RASL10B: variants seen among roughly 807,000 people sequenced by gnomAD.
RASL10B encodes the protein RAS like family 10 member B, also known as ras-like protein family member 10B.
RASL10B carries 10 observed loss-of-function variants against 20.7 expected under a neutral mutation model. The ratio of observed to expected loss-of-function variants is 0.48; its 90% CI spans 0.30 to 0.82. The LOEUF (loss-of-function observed/expected upper bound fraction) is 0.82. Ranked by LOEUF, RASL10B falls within the 40% of genes least tolerant of loss-of-function variation. The probability of loss-of-function intolerance (pLI) is 0.07; values close to 1 mark genes in which losing one functional copy is unlikely to be tolerated. For synonymous variants in RASL10B, 110 were observed against 123.3 expected (o/e 0.89, Z 0.72); for missense variants, 231 against 295.4 (o/e 0.78, Z 1.60).
rs2085631500 is a variant in RASL10B at position 35,741,868 on chromosome 17, G to GCACCAC, written c.*563_*564insCACCAC. On this transcript the variant is annotated 3_prime_UTR_variant, in exon 4 of 4. Transcript: ENST00000603017. ...GTCAGCACCACCGGCACAGGGCAGA[G>GCACCAC]ATGCGGGTGGCCCAAGGACCACGAT... 1 of 152,816 alleles carries GCACCAC rather than the reference G, an allele frequency of 6.5e-6. No homozygotes were observed. The highest frequency in any genetic ancestry group is 1.5e-5 in the Non-Finnish European group (1 of 68,276). The allele number at this position is 152,816 out of a possible 1,614,324, so 9.5% of individuals were successfully genotyped here.
chr17:35,741,344 G>A lies in RASL10B; in HGVS notation c.*39G>A, dbSNP rs1598391056. The A allele has an allele frequency of 2.1e-6, 3 of 1,401,440 alleles. No homozygotes were observed. The highest frequency in any genetic ancestry group is 2.9e-5 in the East Asian group (1 of 34,898). 86.8% of individuals were successfully genotyped at this position (1,401,440 alleles called of 1,614,324 possible). On this transcript the variant is annotated 3_prime_UTR_variant, in exon 4 of 4. Transcript: ENST00000603017. ...CTCGGGCTGCACCGGCACTGGCCGA[G>A]CGGAGGGCGGGGCCGTACTGCGGGG...
chr17:35,736,592 G>T (rs2085593422), intron 2 of RASL10B, among the ~76,000 whole-genome samples: 1 of 152,302 alleles, frequency 6.6e-6, no homozygotes, highest in African/African-American at 2.4e-5. Flanking sequence ...GGGCCTTCTA[G>T]TTCTCTTCTA....
Position 35,741,155 on chromosome 17 carries a change from C to T in RASL10B, c.462C>T (p.Gly154=), listed in dbSNP as rs760841850. ...TGGTACGCAAGACCTGGAAGTGCGG[C>T]TACGTGGAATGCTCGGCCAAGTACA... ...SHLVRKTWKC[G]YVECSAKYNW... Residue 154 remains glycine (G), a synonymous_variant, in exon 4 of 4, where the codon GGC becomes GGT. Transcript: ENST00000603017. The T allele has an allele frequency of 6.2e-7, 1 of 1,613,488 alleles. No individual in the cohort carries two copies. The highest frequency in any genetic ancestry group is 8.5e-7 in the Non-Finnish European group (1 of 1,180,032).
At chr17:35,733,114 G>T (rs1797506556) in intron 1 of RASL10B, among the ~76,000 whole-genome samples, 1 of 152,152 alleles carries the variant, frequency 6.6e-6, no homozygotes, top group South Asian at 2.1e-4. Flanking sequence ...TTTTTGGGGG[G>T]TTTGTTTGTT....
chr17:35,737,336 A>G (rs911865237), intron 2 of RASL10B, among the ~76,000 whole-genome samples: 5 of 152,034 alleles, frequency 3.3e-5, no homozygotes, highest in Admixed American at 2.6e-4. Flanking sequence ...ACTTGCTATT[A>G]TAACCTGAAG....
chr17:35,740,489 C>A lies in RASL10B; in HGVS notation c.297C>A (p.Ser99Arg), dbSNP rs782223157. 6.2e-7 allele frequency: 1 copy of A among 1,613,934 alleles called. No homozygotes were observed. The highest frequency in any genetic ancestry group is 8.5e-7 in the Non-Finnish European group (1 of 1,180,012). ...ILVYDICCFD[S>R]FEYVKTIRQQ... ...TCTACGACATCTGCTGCTTTGACAG[C>A]TTTGAGTACGTCAAGACCATCCGCC... Residue 99 changes from serine (S) to arginine (R), a missense_variant, in exon 3 of 4, where the codon AGC becomes AGA. Ser to Arg is a moderately radical substitution (Grantham distance 110). Transcript: ENST00000603017.
chr17:35,740,251 T>A (rs782691562), intron 2 of RASL10B, among the ~76,000 whole-genome samples, 158 bp from the exon 3 acceptor site: 7 of 152,174 alleles, frequency 4.6e-5, no homozygotes, highest in Non-Finnish European at 1.0e-4. Flanking sequence ...CTACAGCTCC[T>A]CCATTCTCCC....
At chr17:35,734,306 C>T (rs587644047) in intron 1 of RASL10B, among the ~76,000 whole-genome samples, 1 of 152,320 alleles carries the variant, frequency 6.6e-6, no homozygotes, top group East Asian at 1.9e-4. Flanking sequence ...AAAGGAGTAG[C>T]TGCCCTTCGG....
intron 1 of RASL10B, among the ~76,000 whole-genome samples, chr17:35,732,108 G>T (rs1555596467): frequency 1.3e-5 from 2 of 151,870 alleles, no homozygotes; most frequent in South Asian, 4.1e-4. Context: ...AGCGAGCTGG[G>T]CTTCTACATC....
In RASL10B at chr17:35,741,234, C is replaced by T. The variant is rs893506461; in HGVS notation, c.541C>T (p.Arg181Cys). 6.2e-7 allele frequency: 1 copy of T among 1,606,102 alleles called. No individual in the cohort carries two copies. The highest frequency in any genetic ancestry group is 1.7e-5 in the Admixed American group (1 of 59,402). The change falls in exon 4 of 4, where the codon CGT becomes TGT. Residue 181 changes from arginine to cysteine, a missense_variant. Physicochemically the swap from Arg to Cys is radical, Grantham distance 180. Coordinates refer to ENST00000603017, the MANE Select transcript of RASL10B (RefSeq NM_033315.4). ...GCTGCTCAAGAGCGTCGGCTGCGCC[C>T]GTTGCAAGCACGTGCACGCTGCCCT... ...SELLKSVGCA[R>C]CKHVHAALRF...
In RASL10B at chr17:35,740,426, C is replaced by G. The variant is rs781862919; in HGVS notation, c.234C>G (p.Cys78Trp). Residue 78 changes from cysteine to tryptophan, a missense_variant, in exon 3 of 4, where the codon TGC (cysteine) becomes TGG (tryptophan). By Grantham distance (215) the Cys-to-Trp change is radical. Transcript: ENST00000603017. The part of the protein sequence containing the change: ...VNTLQEWADT[C>W]CRGLRSVHAY... ...TATTGCAGGAGTGGGCAGACACCTG[C>G]TGCAGGGGACTCCGGAGTGTCCACG... 5 of 1,613,844 alleles carry G rather than the reference C, an allele frequency of 3.1e-6. No individual in the cohort carries two copies. The Admixed American group carries it at 8.3e-5, about 27-fold the overall frequency.
rs2085586326 is a variant in RASL10B, at chr17:35,735,525, A to G, written c.216+125A>G. The G allele has an allele frequency of 1.1e-6, 1 of 878,588 alleles. No individual in the cohort carries two copies. The highest frequency in any genetic ancestry group is 1.8e-6 in the Non-Finnish European group (1 of 565,836). 54.4% of individuals were successfully genotyped at this position (878,588 alleles called of 1,614,324 possible). On this transcript the variant is annotated intron_variant, in intron 2 of 3. Transcript: ENST00000603017. The surrounding 1 kb of genome is among the most constrained non-coding windows in gnomAD (Gnocchi z 6.7). ...CCATCACTGAGTTTGGGAGCTCCAC[A>G]CTGCACCTTGGGCCACTCTGCTTAG... is the stretch of plus-strand genomic sequence containing the variant.
intron 1 of RASL10B, among the ~76,000 whole-genome samples, chr17:35,734,295 G>C (rs1383021176): frequency 6.6e-6 from 1 of 152,208 alleles, no homozygotes; most frequent in African/African-American, 2.4e-5. Flanking sequence ...CGACATCGTA[G>C]AAAGGAGTAG....
At position 35,735,358 on chromosome 17, in the gene RASL10B, C is replaced by T. The variant is rs886858325; in HGVS notation, c.174C>T (p.Leu58=). ...MNGHVHDLQI[L]DFPPISAFPV... The stretch of plus-strand genomic sequence containing the variant: ...GCCACGTGCACGACCTCCAGATCCT[C>T]GACTTTCCACCCATCAGCGCCTTCC... Residue 58 remains leucine (L), a synonymous_variant, in exon 2 of 4, where the codon CTC becomes CTT. Transcript: ENST00000603017. This position sits in a 1 kb window ranked among gnomAD's most constrained non-coding sequence, Gnocchi z 6.7. 1.9e-6 allele frequency: 3 copies of T among 1,614,192 alleles called. No homozygotes were observed. Among genetic ancestry groups the T allele is most frequent in the Non-Finnish European group, 1.7e-6 (2 of 1,180,048 alleles).
intron 1 of RASL10B, among the ~76,000 whole-genome samples, chr17:35,734,766 C>T (rs964593278): frequency 3.9e-5 from 6 of 152,138 alleles, no homozygotes; most frequent in Non-Finnish European, 8.8e-5. Flanking sequence ...AAGTCCAGTG[C>T]GCTTCCCACT....
chr17:35,742,945 C>A lies in RASL10B; in HGVS notation c.*1640C>A, dbSNP rs905841968. The A allele has an allele frequency of 1.3e-5, 2 of 152,478 alleles. No individual in the cohort carries two copies. The highest frequency in any genetic ancestry group is 6.5e-5 in the Admixed American group (1 of 15,290). The allele number at this position is 152,478 out of a possible 1,614,324, so 9.4% of individuals were successfully genotyped here. On this transcript the variant is annotated 3_prime_UTR_variant, in exon 4 of 4. Coordinates refer to ENST00000603017, the MANE Select transcript of RASL10B (RefSeq NM_033315.4). ...GGAATCTATGATTCTGCTTCCCCAG[C>A]GGATTCCCACTCTGTCCACCAAGTG...
chr17:35,732,359 A>C (rs938003560), intron 1 of RASL10B, among the ~76,000 whole-genome samples: 5 of 152,206 alleles, frequency 3.3e-5, no homozygotes, highest in African/African-American at 7.2e-5. Flanking sequence ...CTTTCCGGGC[A>C]GTCTCTTGCC....
intron 2 of RASL10B, among the ~76,000 whole-genome samples, chr17:35,739,131 T>G (rs1233323175): frequency 6.6e-6 from 1 of 152,234 alleles, no homozygotes; most frequent in African/African-American, 2.4e-5. Flanking sequence ...CTGCAGCATC[T>G]TCTAAGCCTT....
intron 3 of RASL10B, 57 bp downstream of exon 3, chr17:35,740,590 G>A: frequency 6.3e-7 from 1 of 1,588,718 alleles, no homozygotes; most frequent in South Asian, 1.1e-5. Flanking sequence ...GTGCTAGCCA[G>A]TCCCTGTGAA....
Sources: allele counts gnomAD v4.1 joint callset (sites outside exome capture counted in the v4.1 genomes callset), GRCh38; gene constraint gnomAD v4.1.1; non-coding constraint Gnocchi (gnomAD v3.1); transcripts MANE v1.5; gene names NCBI Gene and HGNC (gene_info 2026-07-23, HGNC 2026-07-21).